ANKRD29: variants seen among roughly 807,000 people sequenced by gnomAD.
ANKRD29 encodes the protein ankyrin repeat domain-containing protein 29.
Under a neutral mutation model 38.0 loss-of-function variants are expected in ANKRD29, and 32 were observed. The observed-to-expected ratio is 0.84, with a 90% confidence interval of 0.64 to 1.13. The LOEUF (loss-of-function observed/expected upper bound fraction) is 1.13. Among genes scored for constraint, ANKRD29 ranks in the 50% most tolerant of loss-of-function variants. The pLI, the probability that ANKRD29 is intolerant of heterozygous loss-of-function variation, is 0.00. For missense variants in ANKRD29, 357 were observed against 377.9 expected (o/e 0.94, Z 0.46); for synonymous variants, 135 against 152.4 (o/e 0.89, Z 0.84).
At chr18:23,616,565 C>CTATATATACAGTATATATATATAT (rs1568013693) in intron 8 of ANKRD29, among the ~76,000 whole-genome samples, 48 of 138,322 alleles carry the variant, frequency 3.5e-4, no homozygotes, top group African/African-American at 1.2e-3. Context: ...TATATATATA[C>CTATATATACAGTATATATATATAT]ACTATATATA....
At chr18:23,654,117 T>C (rs1158601486) in intron 1 of ANKRD29, among the ~76,000 whole-genome samples, 1 of 151,626 alleles carries the variant, frequency 6.6e-6, no homozygotes, top group South Asian at 2.1e-4. Context: ...AATACAAAAA[T>C]TAGCTGGGCA....
At position 23,642,281 on chromosome 18, in the gene ANKRD29, C is replaced by G. The variant is rs185167143; in HGVS notation, c.232-3334G>C. 4.6e-5 allele frequency among the ~76,000 whole-genome samples: 7 copies of G among 152,062 alleles called. No individual in the cohort carries two copies. In the East Asian group the frequency reaches 1.4e-3, roughly 30 times the overall value. ...GCTACAGCCCTTTGGGGAGCCCAGA[C>G]CTAGGGGCTCCCTGAGCCAGGGCTA... On this transcript the variant is annotated intron_variant, in intron 3 of 9. Coordinates refer to ENST00000592179, the MANE Select transcript of ANKRD29 (RefSeq NM_173505.4).
intron 2 of ANKRD29, chr18:23,647,039 T>G (rs1466681152): frequency 1.3e-5 from 2 of 152,246 alleles, no homozygotes; most frequent in East Asian, 3.8e-4. Context: ...TTCAGCAACC[T>G]GCTGCTCAGA....
intron 3 of ANKRD29, among the ~76,000 whole-genome samples, chr18:23,641,384 C>T (rs1320258437): frequency 6.6e-6 from 1 of 152,222 alleles, no homozygotes; most frequent in African/African-American, 2.4e-5. Flanking sequence ...GGCCTCTCCC[C>T]ACTCCCGGCA....
chr18:23,616,595 C>A lies in ANKRD29; in HGVS notation c.723+1137G>T, dbSNP rs957568238. ...TATATACAGTATATATATATATATA[C>A]TATATATACTATATATATAGTGTAT... On this transcript the variant is annotated intron_variant, in intron 8 of 9. Transcript: ENST00000592179. Among the ~76,000 whole-genome samples the A allele has an allele frequency of 2.3e-4, 30 of 131,842 alleles. No individual in the cohort carries two copies. In the East Asian group the frequency reaches 2.4e-3, roughly 10 times the overall value. 86.5% of individuals were successfully genotyped at this position (131,842 alleles called of 152,430 possible). A position where few individuals can be genotyped will look rare whatever the true frequency, so the allele number is the denominator to read the frequency against.
Position 23,659,378 on chromosome 18 carries a change from T to C in ANKRD29, c.21+3332A>G, listed in dbSNP as rs78824187. On this transcript the variant is annotated intron_variant, in intron 1 of 9. Transcript: ENST00000592179. ...ATGGATCTTTATGTTCAAGTTTTTGTGTGAACACGTTTCCATTTCTCTTGG... is the reference window on the plus strand; with the variant it reads ...ATGGATCTTTATGTTCAAGTTTTTGCGTGAACACGTTTCCATTTCTCTTGG... Among the ~76,000 whole-genome samples the C allele has an allele frequency of 4.5e-4, 69 of 152,362 alleles. No homozygotes were observed. The East Asian group carries it at 0.013, about 28-fold the overall frequency.
chr18:23,626,982 A>C (rs1471223793), intron 6 of ANKRD29, among the ~76,000 whole-genome samples: 1 of 152,242 alleles, frequency 6.6e-6, no homozygotes, highest in Non-Finnish European at 1.5e-5. Context: ...TAATGACTCA[A>C]TGTGTCAGCT....
intron 1 of ANKRD29, among the ~76,000 whole-genome samples, chr18:23,657,358 G>A (rs2060298222): frequency 6.6e-6 from 1 of 152,098 alleles, no homozygotes; most frequent in Non-Finnish European, 1.5e-5. Flanking sequence ...CAGGCTCACC[G>A]CCCTCAACTC....
In ANKRD29 at chr18:23,629,753, T is replaced by A; in HGVS notation, c.528+100A>T. 7 of 902,574 alleles carry A rather than the reference T, an allele frequency of 7.8e-6. No individual in the cohort carries two copies. The South Asian group carries it at 8.9e-5, about 11-fold the overall frequency. 55.9% of individuals were successfully genotyped at this position (902,574 alleles called of 1,614,324 possible). A position where few individuals can be genotyped will look rare whatever the true frequency, so the allele number is the denominator to read the frequency against. On this transcript the variant is annotated intron_variant, in intron 6 of 9. Coordinates refer to ENST00000592179, the MANE Select transcript of ANKRD29 (RefSeq NM_173505.4). ...AAGCAGAAGGGTTTAAAGGATGCCT[T>A]GAGCTTACTGGTTATCTCAGGTATG...
intron 1 of ANKRD29, chr18:23,649,460 C>T (rs1173059062): frequency 1.5e-6 from 1 of 665,368 alleles, no homozygotes; most frequent in Admixed American, 2.0e-5. Flanking sequence ...TTCTCACTTT[C>T]CTGCCTCTGT....
chr18:23,628,079 T>C (rs181868178), intron 6 of ANKRD29, among the ~76,000 whole-genome samples: 21 of 152,324 alleles, frequency 1.4e-4, no homozygotes, highest in Admixed American at 1.2e-3. Context: ...TGATTGAATG[T>C]TGAATAAAAC....
intron 4 of ANKRD29, 47 bp from the exon 5 acceptor site, chr18:23,634,196 T>C (rs752437290): frequency 6.8e-7 from 1 of 1,463,748 alleles, no homozygotes; most frequent in Non-Finnish European, 9.5e-7. Context: ...CGCAGGCACA[T>C]AATTCACCAG....
intron 8 of ANKRD29, among the ~76,000 whole-genome samples, chr18:23,616,131 T>C (rs1429546115): frequency 2.3e-5 from 3 of 128,968 alleles, no homozygotes; most frequent in Non-Finnish European, 5.1e-5. Context: ...ACCGTATGTA[T>C]GTATGTATAC....
At chr18:23,618,349 C>T (rs2059750076) in intron 7 of ANKRD29, among the ~76,000 whole-genome samples, 2 of 152,200 alleles carry the variant, frequency 1.3e-5, no homozygotes, top group Non-Finnish European at 2.9e-5. Flanking sequence ...AGGCCAGGTG[C>T]AGTGGCTCAC....
intron 3 of ANKRD29, among the ~76,000 whole-genome samples, chr18:23,639,529 ATTTTTTTT>A (rs11310206): frequency 8.3e-6 from 1 of 120,346 alleles, no homozygotes; most frequent in Non-Finnish European, 1.8e-5. Flanking sequence ...TTTTACTGTG[ATTTTTTTT>A]TTTTTTTTTT....
At chr18:23,656,536 T>G (rs1279321934) in intron 1 of ANKRD29, among the ~76,000 whole-genome samples, 3 of 152,230 alleles carry the variant, frequency 2.0e-5, no homozygotes, top group Admixed American at 2.0e-4. Context: ...GTCAACTTTA[T>G]TAACTGCTAA....
intron 6 of ANKRD29, among the ~76,000 whole-genome samples, chr18:23,621,069 A>G (rs2059791574): frequency 6.6e-6 from 1 of 152,182 alleles, no homozygotes; most frequent in African/African-American, 2.4e-5. Context: ...CCAGGATGAT[A>G]GTCTGACTCT....
intron 2 of ANKRD29, chr18:23,648,625 T>C (rs2060170122): frequency 6.0e-6 from 2 of 335,256 alleles, no homozygotes; most frequent in Admixed American, 9.6e-5. Flanking sequence ...CCAATTAGTG[T>C]ATTTATGTTT....
At chr18:23,610,291 C>T (rs968045600) in intron 9 of ANKRD29, among the ~76,000 whole-genome samples, 7 of 152,056 alleles carry the variant, frequency 4.6e-5, no homozygotes, top group African/African-American at 7.3e-5. Flanking sequence ...TCCTGGTCAA[C>T]GTGGCAAAAC....
Sources: allele counts gnomAD v4.1 joint callset (sites outside exome capture counted in the v4.1 genomes callset), GRCh38; gene constraint gnomAD v4.1.1; transcripts MANE v1.5; gene names NCBI Gene and HGNC (gene_info 2026-07-23, HGNC 2026-07-21).